PPP1R9A: variants seen among roughly 807,000 people sequenced by gnomAD.
PPP1R9A encodes protein phosphatase 1 regulatory subunit 9A.
In PPP1R9A, 59 loss-of-function variants were observed where a neutral mutation model predicts 141.9. That is an observed-to-expected ratio of 0.42 (90% confidence interval 0.34 to 0.52). PPP1R9A has a LOEUF of 0.52. Among genes scored for constraint, PPP1R9A ranks in the 20% least tolerant of loss-of-function variants. The pLI, the probability that PPP1R9A is intolerant of heterozygous loss-of-function variation, is 0.10. For synonymous variants in PPP1R9A, 500 were observed against 569.7 expected (o/e 0.88, Z 1.74); for missense variants, 1,444 against 1,611.9 (o/e 0.90, Z 1.78).
At chr7:95,007,861 C>T (rs2151588072) in intron 2 of PPP1R9A, among the ~76,000 whole-genome samples, 1 of 152,218 alleles carries the variant, frequency 6.6e-6, no homozygotes, top group South Asian at 2.1e-4. Flanking sequence ...CACCTGAGGT[C>T]AGGAGCTCGA....
chr7:95,105,713 G>A (rs1192364551), intron 2 of PPP1R9A, among the ~76,000 whole-genome samples: 1 of 152,108 alleles, frequency 6.6e-6, no homozygotes, highest in African/African-American at 2.4e-5. Context: ...AGCAATTAAG[G>A]TTAATAAAAA....
chr7:95,132,166 G>T (rs552828602), intron 4 of PPP1R9A, among the ~76,000 whole-genome samples: 3 of 152,094 alleles, frequency 2.0e-5, no homozygotes, highest in Admixed American at 6.5e-5. Context: ...TTCTTATTTG[G>T]ATGTCTTATT....
At chr7:95,092,048 T>C (rs1322493146) in intron 2 of PPP1R9A, among the ~76,000 whole-genome samples, 1 of 152,194 alleles carries the variant, frequency 6.6e-6, no homozygotes, top group Non-Finnish European at 1.5e-5. Flanking sequence ...GTAGCTGCAC[T>C]TCTCCTTTTC....
intron 12 of PPP1R9A, among the ~76,000 whole-genome samples, chr7:95,260,540 C>T (rs1800272598): frequency 6.6e-6 from 1 of 151,874 alleles, no homozygotes; most frequent in South Asian, 2.1e-4. Flanking sequence ...TTAGCTGGGC[C>T]TGGTGGTGGG....
At position 95,137,415 on chromosome 7, in the gene PPP1R9A, C is replaced by CAAAA. The variant is rs33928009; in HGVS notation, c.1649+16603_1649+16606dup. 1.3e-3 allele frequency among the ~76,000 whole-genome samples: 118 copies of CAAAA among 91,486 alleles called. 2 individuals carry two copies. The highest frequency in any genetic ancestry group is 5.0e-3 in the African/African-American group (115 of 23,058). The allele number at this position is 91,486 out of a possible 152,430, so 60.0% of individuals were successfully genotyped here. ...CATGTCCCTACAAAGGACATGAACT[C>CAAAA]AAAAAAAAAAAAAAAAAAAAAAAGA... On this transcript the variant is annotated intron_variant, in intron 4 of 19. Coordinates refer to ENST00000433360, the MANE Select transcript of PPP1R9A (RefSeq NM_001166160.2).
chr7:95,176,933 G>A (rs1398809601), intron 5 of PPP1R9A, among the ~76,000 whole-genome samples: 1 of 152,096 alleles, frequency 6.6e-6, no homozygotes, highest in Non-Finnish European at 1.5e-5. Context: ...TAAACGTTTG[G>A]ACAACATATT....
At chr7:95,154,684 A>G (rs1427105565) in intron 4 of PPP1R9A, 2 of 152,034 alleles carry the variant, frequency 1.3e-5, no homozygotes, top group Admixed American at 1.3e-4. Flanking sequence ...AAAATACTTC[A>G]TACAGAATGA....
At chr7:95,160,173 C>T (rs1167383073) in intron 4 of PPP1R9A, among the ~76,000 whole-genome samples, 1 of 151,920 alleles carries the variant, frequency 6.6e-6, no homozygotes, top group Non-Finnish European at 1.5e-5. Flanking sequence ...AGTATGAACA[C>T]ACACAAAAAC....
At chr7:94,922,201 T>A (rs1792934431) in intron 2 of PPP1R9A, among the ~76,000 whole-genome samples, 1 of 151,658 alleles carries the variant, frequency 6.6e-6, no homozygotes. Context: ...TATATTGTTA[T>A]TGCCGGAATT....
At chr7:95,047,194 C>T (rs1193569382) in intron 2 of PPP1R9A, among the ~76,000 whole-genome samples, 1 of 152,166 alleles carries the variant, frequency 6.6e-6, no homozygotes, top group Non-Finnish European at 1.5e-5. Flanking sequence ...AGCATGTCAT[C>T]TCTTTTTATT....
At chr7:95,250,318 A>AT in intron 10 of PPP1R9A, 63 bp downstream of exon 10, 1 of 1,367,956 alleles carries the variant, frequency 7.3e-7, no homozygotes, top group Non-Finnish European at 1.0e-6. Flanking sequence ...ATGTCCAATA[A>AT]TTTTGTAATA....
intron 7 of PPP1R9A, among the ~76,000 whole-genome samples, chr7:95,215,240 C>G (rs1585292552): frequency 6.6e-6 from 1 of 150,802 alleles, no homozygotes; most frequent in Admixed American, 6.7e-5. Flanking sequence ...TTTGTTCTTG[C>G]AACAGTTTAC....
intron 12 of PPP1R9A, among the ~76,000 whole-genome samples, chr7:95,262,664 A>G (rs889589325): frequency 1.3e-5 from 2 of 152,158 alleles, no homozygotes; most frequent in East Asian, 1.9e-4. Flanking sequence ...AGAAGGGTAT[A>G]TTAGATATCA....
intron 2 of PPP1R9A, among the ~76,000 whole-genome samples, chr7:95,106,535 T>C (rs79080783): frequency 0.02 from 3,074 of 152,286 alleles, 88 homozygotes; most frequent in African/African-American, 0.07. Context: ...TACATATTTG[T>C]ATATATCATG....
intron 2 of PPP1R9A, among the ~76,000 whole-genome samples, chr7:94,924,785 C>T (rs1203064749): frequency 6.6e-6 from 1 of 152,138 alleles, no homozygotes; most frequent in Non-Finnish European, 1.5e-5. Flanking sequence ...CCACCTCGGC[C>T]TCCCAAAGTG....
intron 2 of PPP1R9A, among the ~76,000 whole-genome samples, chr7:95,019,270 C>T (rs1805552266): frequency 6.6e-6 from 1 of 152,110 alleles, no homozygotes; most frequent in Admixed American, 6.6e-5. Flanking sequence ...TGGCAGGCGC[C>T]TGTAATCCCA....
At chr7:95,193,509 A>G (rs926807535) in intron 5 of PPP1R9A, among the ~76,000 whole-genome samples, 7 of 152,060 alleles carry the variant, frequency 4.6e-5, no homozygotes, top group Non-Finnish European at 1.0e-4. Context: ...TTTCTTATGC[A>G]GTATGGAACA....
At chr7:95,077,654 A>G (rs1815063860) in intron 2 of PPP1R9A, among the ~76,000 whole-genome samples, 1 of 152,208 alleles carries the variant, frequency 6.6e-6, no homozygotes, top group Admixed American at 6.5e-5. Flanking sequence ...GTTTATTAAT[A>G]TGTACACCTC....
chr7:94,962,034 T>C (rs1361704888), intron 2 of PPP1R9A, among the ~76,000 whole-genome samples: 3 of 152,006 alleles, frequency 2.0e-5, no homozygotes, highest in African/African-American at 4.8e-5. Flanking sequence ...TTTTCTGGGA[T>C]TCACTGTACA....
Sources: allele counts gnomAD v4.1 joint callset (sites outside exome capture counted in the v4.1 genomes callset), GRCh38; gene constraint gnomAD v4.1.1; transcripts MANE v1.5; gene names NCBI Gene and HGNC (gene_info 2026-07-23, HGNC 2026-07-21).